CACNB4: variants seen among roughly 807,000 people sequenced by gnomAD.
CACNB4 encodes the protein voltage-dependent L-type calcium channel subunit beta-4.
CACNB4 carries 32 observed loss-of-function variants against 71.2 expected under a neutral mutation model. That is an observed-to-expected ratio of 0.45 (90% CI 0.34 to 0.60). The LOEUF is 0.60. Ranked by LOEUF, CACNB4 falls within the 20% of genes least tolerant of loss-of-function variation. The pLI, the probability that CACNB4 is intolerant of heterozygous loss-of-function variation, is 0.01. For missense variants in CACNB4, 464 were observed against 647.9 expected, an observed-to-expected ratio of 0.72 and a Z score of 3.08; for synonymous variants, 231 against 236.9, an observed-to-expected ratio of 0.97 and a Z score of 0.23.
chr2:151,860,372 G>A (rs1490392388), intron 10 of CACNB4: 2 of 295,714 alleles, frequency 6.8e-6, no homozygotes, highest in African/African-American at 2.3e-5. Context: ...TATGTCAGCT[G>A]TGACTCAGGT....
At chr2:151,864,925 T>C (rs1181522399) in intron 9 of CACNB4, among the ~76,000 whole-genome samples, 2 of 152,344 alleles carry the variant, frequency 1.3e-5, no homozygotes, top group Non-Finnish European at 2.9e-5. Context: ...CAGTCTACCA[T>C]GACCCCTCTC....
At chr2:151,865,883 TC>T (rs956915197) in intron 9 of CACNB4, 4 of 151,834 alleles carry the variant, frequency 2.6e-5, no homozygotes, top group African/African-American at 9.7e-5. Context: ...CCTCCCAGGT[TC>T]AAGTGATTTT....
chr2:151,925,764 C>A (rs2099860083), intron 2 of CACNB4, among the ~76,000 whole-genome samples: 1 of 151,940 alleles, frequency 6.6e-6, no homozygotes, highest in South Asian at 2.1e-4. Flanking sequence ...GTGTAGGGGG[C>A]AACAGCAAGG....
At chr2:152,083,268 G>A (rs1040191513) in intron 2 of CACNB4, among the ~76,000 whole-genome samples, 1 of 152,112 alleles carries the variant, frequency 6.6e-6, no homozygotes, top group African/African-American at 2.4e-5. Context: ...ACACATGTGT[G>A]TGTGTGCTGC....
At chr2:151,995,361 A>T (rs560404262) in intron 2 of CACNB4, among the ~76,000 whole-genome samples, 51 of 152,260 alleles carry the variant, frequency 3.3e-4, no homozygotes, top group Admixed American at 1.2e-3. Flanking sequence ...TATGGCTCAC[A>T]GCCTTTCAGT....
intron 2 of CACNB4, among the ~76,000 whole-genome samples, chr2:152,029,063 C>A (rs1022332426): frequency 6.6e-6 from 1 of 152,116 alleles, no homozygotes; most frequent in African/African-American, 2.4e-5. Flanking sequence ...TGTCCCCTGA[C>A]AAATTCATAT....
intron 6 of CACNB4, chr2:151,872,018 A>T (rs2099844768): frequency 1.1e-5 from 3 of 266,178 alleles, no homozygotes. Flanking sequence ...GGCTGTACTA[A>T]TACATCCTGA....
intron 2 of CACNB4, among the ~76,000 whole-genome samples, chr2:152,073,490 C>T (rs117647390): frequency 6.6e-6 from 1 of 152,096 alleles, no homozygotes; most frequent in Non-Finnish European, 1.5e-5. Flanking sequence ...GCCACCACCC[C>T]CAGATTCTAG....
At chr2:152,030,982 C>T (rs2105188073) in intron 2 of CACNB4, among the ~76,000 whole-genome samples, 1 of 152,286 alleles carries the variant, frequency 6.6e-6, no homozygotes, top group South Asian at 2.1e-4. Flanking sequence ...GGGCAGAAAA[C>T]ACAGCAGTAA....
intron 2 of CACNB4, among the ~76,000 whole-genome samples, chr2:151,886,012 C>T (rs1578641092): frequency 6.6e-6 from 1 of 152,102 alleles, no homozygotes; most frequent in African/African-American, 2.4e-5. Flanking sequence ...AGGGCCTTGT[C>T]ATGTTGCCCA....
chr2:152,083,965 G>C (rs942984039), intron 2 of CACNB4, among the ~76,000 whole-genome samples: 4 of 152,004 alleles, frequency 2.6e-5, no homozygotes, highest in Admixed American at 2.6e-4. Flanking sequence ...TTTACTCCCT[G>C]CTCCACCTCC....
intron 2 of CACNB4, among the ~76,000 whole-genome samples, chr2:152,094,567 A>G (rs993638746): frequency 3.9e-5 from 6 of 152,206 alleles, no homozygotes; most frequent in Non-Finnish European, 7.3e-5. Context: ...ACCCATGGGT[A>G]GATATACTTA....
At chr2:151,990,966 T>C (rs1411147346) in intron 2 of CACNB4, among the ~76,000 whole-genome samples, 2 of 152,214 alleles carry the variant, frequency 1.3e-5, no homozygotes, top group African/African-American at 4.8e-5. Context: ...AATGGCATTA[T>C]CCAGCAGGAA....
chr2:151,931,445 G>A (rs191545366), intron 2 of CACNB4, among the ~76,000 whole-genome samples: 8 of 152,192 alleles, frequency 5.3e-5, no homozygotes. Context: ...CAGTCTAGTT[G>A]GCAACAGCAT....
intron 2 of CACNB4, among the ~76,000 whole-genome samples, chr2:151,976,829 G>C (rs901609972): frequency 6.6e-6 from 1 of 152,148 alleles, no homozygotes; most frequent in Non-Finnish European, 1.5e-5. Flanking sequence ...GGAGCTTCCC[G>C]AGCCTGTTTC....
chr2:151,949,699 G>A (rs1232363586), intron 2 of CACNB4, among the ~76,000 whole-genome samples: 1 of 152,140 alleles, frequency 6.6e-6, no homozygotes, highest in Non-Finnish European at 1.5e-5. Context: ...AGGCCATGGA[G>A]GACTACTGAA....
At chr2:151,952,401 C>G (rs1397217811) in intron 2 of CACNB4, among the ~76,000 whole-genome samples, 1 of 152,042 alleles carries the variant, frequency 6.6e-6, no homozygotes, top group Non-Finnish European at 1.5e-5. Flanking sequence ...ACAGACAGAG[C>G]CATGCACAAT....
intron 2 of CACNB4, among the ~76,000 whole-genome samples, chr2:152,092,582 T>TA (rs1688033912): frequency 2.0e-5 from 3 of 151,228 alleles, no homozygotes; most frequent in Admixed American, 1.3e-4. Flanking sequence ...TCTTTTTTTT[T>TA]AATGAAATAT....
intron 12 of CACNB4, among the ~76,000 whole-genome samples, chr2:151,842,320 C>CTT (rs35662354): frequency 0.042 from 2,864 of 67,736 alleles, 515 homozygotes; most frequent in East Asian, 0.33. Flanking sequence ...ATATTTGGAT[C>CTT]TTTTTTTTTT....
Sources: gnomAD v4.1 joint callset for allele counts (sites outside exome capture counted in the v4.1 genomes callset) on GRCh38, gnomAD v4.1.1 for gene constraint, MANE v1.5 for transcripts, NCBI Gene and HGNC (gene_info 2026-07-23, HGNC 2026-07-21) for gene names.